Variants in CAST observed in about 807,000 individuals in gnomAD.
CAST encodes the protein calpastatin.
A neutral mutation model predicts 119.6 loss-of-function variants in CAST; 76 were observed. The observed-to-expected ratio is 0.64, with a 90% CI of 0.53 to 0.77. The LOEUF (loss-of-function observed/expected upper bound fraction) is 0.77, where lower values mean the gene tolerates loss of function less well. Among genes scored for constraint, CAST ranks in the 30% least tolerant of loss-of-function variants. The pLI is 0.00. For missense variants in CAST, 953 were observed against 946.5 expected (o/e 1.01, Z -0.09); for synonymous variants, 319 against 331.6 (o/e 0.96, Z 0.41).
chr5:96,661,713 C>G (rs1448739232), upstream of CAST, among the ~76,000 whole-genome samples: 1 of 152,212 alleles, frequency 6.6e-6, no homozygotes, highest in Non-Finnish European at 1.5e-5. Context: ...TCGCCAGACT[C>G]TAGAAAGACT....
chr5:96,024,561 A>AT, the CAST span, among the ~76,000 whole-genome samples: 94 of 150,210 alleles, frequency 6.3e-4, 1 homozygote, highest in East Asian at 3.3e-3. Flanking sequence ...AATATCTGCA[A>AT]TTTTTTTTTT....
At chr5:96,729,126 T>A in intron 6 of CAST, 27 bp from the exon 7 acceptor site, 1 of 1,424,452 alleles carries the variant, frequency 7.0e-7, no homozygotes, top group South Asian at 1.2e-5. Flanking sequence ...TCCAGTGTAA[T>A]CAAGTTTAAT....
intron 3 of CAST, among the ~76,000 whole-genome samples, chr5:96,711,586 A>G (rs146678945): frequency 1.2e-3 from 178 of 152,338 alleles, no homozygotes; most frequent in African/African-American, 4.1e-3. Flanking sequence ...AGTTTTATAA[A>G]TGAGGAGACT....
At chr5:96,372,921 G>A in the CAST span, among the ~76,000 whole-genome samples, 1 of 152,290 alleles carries the variant, frequency 6.6e-6, no homozygotes, top group South Asian at 2.1e-4. Flanking sequence ...ATGAAAAAGA[G>A]CTTCACAGAT....
At chr5:96,134,990 A>G in the CAST span, among the ~76,000 whole-genome samples, 1 of 152,154 alleles carries the variant, frequency 6.6e-6, no homozygotes, top group Non-Finnish European at 1.5e-5. Flanking sequence ...AAGGAGAAAG[A>G]CACTTCCAGG....
chr5:96,719,497 G>C (rs944234287), intron 3 of CAST, among the ~76,000 whole-genome samples: 1 of 152,234 alleles, frequency 6.6e-6, no homozygotes, highest in African/African-American at 2.4e-5. Flanking sequence ...TTGAATAGGC[G>C]GGTGAGTGGA....
chr5:96,332,831 A>G, the CAST span, among the ~76,000 whole-genome samples: 1 of 152,140 alleles, frequency 6.6e-6, no homozygotes, highest in South Asian at 2.1e-4. Context: ...CTGTAAAGGT[A>G]TCCTAACAGC....
upstream of CAST, among the ~76,000 whole-genome samples, chr5:96,523,185 T>C (rs1035961676): frequency 1.3e-5 from 2 of 152,186 alleles, no homozygotes; most frequent in African/African-American, 4.8e-5. Flanking sequence ...TGAGAGTTAC[T>C]GGTGCCAGGA....
At chr5:96,578,323 G>C (rs1056068838) in intron 1 of CAST, among the ~76,000 whole-genome samples, 1 of 149,900 alleles carries the variant, frequency 6.7e-6, no homozygotes, top group African/African-American at 2.4e-5. Flanking sequence ...CACTAAATTT[G>C]ATGTGAGTTT....
chr5:96,035,073 A>ATT, the CAST span, among the ~76,000 whole-genome samples: 1 of 130,806 alleles, frequency 7.6e-6, no homozygotes, highest in African/African-American at 3.4e-5. Context: ...ATTTAAGTAT[A>ATT]TATATATATA....
intron 1 of CAST, among the ~76,000 whole-genome samples, chr5:96,570,824 G>C (rs898842212): frequency 3.3e-5 from 5 of 152,208 alleles, no homozygotes; most frequent in African/African-American, 1.2e-4. Flanking sequence ...ACCCAAGTTT[G>C]TTTGAGTTAT....
chr5:96,424,979 T>TAGAAAGAA, the CAST span, among the ~76,000 whole-genome samples: 1 of 65,736 alleles, frequency 1.5e-5, no homozygotes, highest in Non-Finnish European at 3.2e-5. Context: ...AAAAGAAAGA[T>TAGAAAGAA]AGAAAGAAAG....
the CAST span, among the ~76,000 whole-genome samples, chr5:96,137,778 A>G: frequency 6.6e-6 from 1 of 152,078 alleles, no homozygotes; most frequent in African/African-American, 2.4e-5. Context: ...TTTATTTGCT[A>G]TCTGTATATA....
At chr5:96,634,907 C>T (rs549975137) in intron 1 of CAST, among the ~76,000 whole-genome samples, 17 of 152,324 alleles carry the variant, frequency 1.1e-4, no homozygotes, top group African/African-American at 3.8e-4. Context: ...GGTAAGATTT[C>T]TTAAAGAACT....
In CAST at chr5:96,675,553, A is replaced by C; in HGVS notation, c.90A>C (p.Lys30Asn). 1.2e-6 allele frequency: 2 copies of C among 1,613,120 alleles called. No homozygotes were observed. The change falls in exon 2 of 32, where the codon AAA becomes AAC. Residue 30 changes from lysine (K) to asparagine (N), a missense_variant. By Grantham distance (94) the Lys-to-Asn change is moderately conservative. Coordinates refer to ENST00000675179, the MANE Select transcript of CAST (RefSeq NM_001750.7). Reference protein sequence around the residue: ...ARRTHEHVSEKTSESPSKPGE... With the variant: ...ARRTHEHVSENTSESPSKPGE... Reference sequence around the variant, plus strand: ...CTTTTTTATAGCATGTCAGTGAAAAAACCAGTGAATCGCCTTCCAAACCAG... The same window carrying C: ...CTTTTTTATAGCATGTCAGTGAAAACACCAGTGAATCGCCTTCCAAACCAG...
intron 1 of CAST, among the ~76,000 whole-genome samples, chr5:96,672,410 G>A (rs148988390): frequency 1.1e-3 from 162 of 152,156 alleles, no homozygotes; most frequent in African/African-American, 3.7e-3. Context: ...TAAAAAGCTG[G>A]GCTTAAAATA....
chr5:96,208,856 G>A, the CAST span, among the ~76,000 whole-genome samples: 3 of 152,112 alleles, frequency 2.0e-5, no homozygotes, highest in East Asian at 1.9e-4. Context: ...TACATGTTGA[G>A]TTCAGGTCCT....
At chr5:96,026,039 C>G in the CAST span, among the ~76,000 whole-genome samples, 5 of 152,146 alleles carry the variant, frequency 3.3e-5, no homozygotes, top group South Asian at 8.3e-4. Flanking sequence ...TTAAGACTGG[C>G]TTGGGCAATA....
intron 1 of CAST, among the ~76,000 whole-genome samples, chr5:96,620,347 A>G (rs1329439485): frequency 6.6e-6 from 1 of 151,038 alleles, no homozygotes; most frequent in Admixed American, 6.6e-5. Context: ...TGATGGTATA[A>G]AAGTGATACA....
Sources: allele counts gnomAD v4.1 joint callset (sites outside exome capture counted in the v4.1 genomes callset), GRCh38; gene constraint gnomAD v4.1.1; transcripts MANE v1.5; gene names NCBI Gene and HGNC (gene_info 2026-07-23, HGNC 2026-07-21).